Variants in CYB5A observed in about 807,000 individuals in gnomAD.
The protein encoded by CYB5A is cytochrome b5 type A.
Under a neutral mutation model 16.2 loss-of-function variants are expected in CYB5A, and 10 were observed. The ratio of observed to expected loss-of-function variants is 0.62; its 90% CI spans 0.38 to 1.04. The LOEUF is 1.04. CYB5A is among the 50% of genes least tolerant of loss of function. The pLI is 0.01. For missense variants in CYB5A, 161 were observed against 165.9 expected (o/e 0.97, Z 0.16); for synonymous variants, 62 against 57.0 (o/e 1.09, Z -0.40).
chr18:74,272,778 C>G (rs749991114), intron 1 of CYB5A, among the ~76,000 whole-genome samples: 1 of 152,014 alleles, frequency 6.6e-6, no homozygotes, highest in Non-Finnish European at 1.5e-5. Context: ...AAATATTAGC[C>G]AGGTGTAGTG....
intron 1 of CYB5A, among the ~76,000 whole-genome samples, chr18:74,287,624 T>C (rs545113763): frequency 8.5e-5 from 13 of 152,296 alleles, no homozygotes; most frequent in Middle Eastern, 3.4e-3. Flanking sequence ...CCAGGAACAC[T>C]AGAAAATGTT....
chr18:74,259,517 G>A (rs1337550039), intron 3 of CYB5A: 1 of 152,174 alleles, frequency 6.6e-6, no homozygotes, highest in African/African-American at 2.4e-5. Flanking sequence ...CCTTTAAACT[G>A]AAAGTAGTTA....
At chr18:74,260,843 C>G in intron 3 of CYB5A, 72 bp downstream of exon 3, 1 of 1,314,880 alleles carries the variant, frequency 7.6e-7, no homozygotes, top group Non-Finnish European at 1.1e-6. Context: ...AAATAAAAAC[C>G]CTCTGCCTTC....
At chr18:74,266,370 C>T (rs973181286) in intron 1 of CYB5A, among the ~76,000 whole-genome samples, 1 of 152,246 alleles carries the variant, frequency 6.6e-6, no homozygotes, top group South Asian at 2.1e-4. Context: ...CAGGAGCTGC[C>T]GTAACTTTTG....
intron 1 of CYB5A, among the ~76,000 whole-genome samples, chr18:74,284,571 T>C (rs1983248162): frequency 6.6e-6 from 1 of 152,130 alleles, no homozygotes; most frequent in Non-Finnish European, 1.5e-5. Flanking sequence ...GAACAAACAA[T>C]AGCAGGCAGT....
intron 4 of CYB5A, among the ~76,000 whole-genome samples, chr18:74,254,735 T>C (rs1329956308): frequency 6.6e-6 from 1 of 151,972 alleles, no homozygotes; most frequent in East Asian, 1.9e-4. Context: ...TTAGCCAGGA[T>C]GGTCTCGATC....
At position 74,253,672 on chromosome 18, in the gene CYB5A, A is replaced by G. The variant is rs1435703510; in HGVS notation, c.324-7T>C. ...CACCCAGTTGGTCCACCAACTAGAA[A>G]GACACAAAAAGCAATGATGCTGACA... On this transcript the variant is annotated splice_region_variant and splice_polypyrimidine_tract_variant and intron_variant, in intron 4 of 4. Transcript: ENST00000340533. 3 of 1,602,132 alleles carry G rather than the reference A, an allele frequency of 1.9e-6. No homozygotes were observed. The highest frequency in any genetic ancestry group is 1.7e-5 in the Admixed American group (1 of 59,960).
At chr18:74,262,305 A>C (rs1982235353) in intron 2 of CYB5A, among the ~76,000 whole-genome samples, 1 of 151,974 alleles carries the variant, frequency 6.6e-6, no homozygotes, top group Non-Finnish European at 1.5e-5. Flanking sequence ...AATACAAAAC[A>C]ATTGGCCAGG....
Position 74,253,442 on chromosome 18 carries a change from C to T in CYB5A, c.*142G>A. 6.4e-6 allele frequency: 4 copies of T among 623,388 alleles called. No homozygotes were observed. In the Admixed American group the frequency reaches 7.8e-5, roughly 12 times the overall value. The allele number at this position is 623,388 out of a possible 1,614,324, so 38.6% of individuals were successfully genotyped here. ...AAGGACAGTTCTTTTTGTTTTGTTTCTAATGTCGGAAGAAAAAGAAAGAGA... is the reference window on the plus strand; with the variant it reads ...AAGGACAGTTCTTTTTGTTTTGTTTTTAATGTCGGAAGAAAAAGAAAGAGA... On this transcript the variant is annotated 3_prime_UTR_variant, in exon 5 of 5. Coordinates refer to ENST00000340533, the MANE Select transcript of CYB5A (RefSeq NM_148923.4).
Position 74,289,535 on chromosome 18 carries a change from G to T in CYB5A, c.129+2212C>A, listed in dbSNP as rs554948045. Among the ~76,000 whole-genome samples the T allele has an allele frequency of 5.8e-4, 89 of 152,278 alleles. 1 individual carries two copies. Among genetic ancestry groups the T allele is most frequent in the African/African-American group, 2.1e-3 (87 of 41,572 alleles). On this transcript the variant is annotated intron_variant, in intron 1 of 4. Coordinates refer to ENST00000340533, the MANE Select transcript of CYB5A (RefSeq NM_148923.4). Reference sequence around the variant, plus strand: ...TCACGCCTGTAATCCCAGCACTTTGGGAGGCTAAGGTGGGTGGATCACCTG... The same window carrying T: ...TCACGCCTGTAATCCCAGCACTTTGTGAGGCTAAGGTGGGTGGATCACCTG...
At chr18:74,281,867 A>G (rs962408623) in intron 1 of CYB5A, among the ~76,000 whole-genome samples, 2 of 151,478 alleles carry the variant, frequency 1.3e-5, no homozygotes, top group South Asian at 4.2e-4. Context: ...AGAAAACAGC[A>G]GGAACACTGA....
chr18:74,279,444 T>G (rs1342809185), intron 1 of CYB5A, among the ~76,000 whole-genome samples: 1 of 152,216 alleles, frequency 6.6e-6, no homozygotes. Flanking sequence ...CAGGGAGAAC[T>G]GCTTGAACCC....
At chr18:74,274,024 G>A (rs1982772451) in intron 1 of CYB5A, among the ~76,000 whole-genome samples, 1 of 152,156 alleles carries the variant, frequency 6.6e-6, no homozygotes, top group African/African-American at 2.4e-5. Context: ...GTTCCCAAAT[G>A]CTCCCTACTT....
intron 3 of CYB5A, chr18:74,260,644 G>A: frequency 2.0e-6 from 1 of 498,392 alleles, no homozygotes. Flanking sequence ...ACCATAAAAA[G>A]TAGCTCTTCA....
At chr18:74,285,012 A>G (rs1983265367) in intron 1 of CYB5A, among the ~76,000 whole-genome samples, 1 of 152,222 alleles carries the variant, frequency 6.6e-6, no homozygotes, top group Non-Finnish European at 1.5e-5. Context: ...ATACCCAGTT[A>G]CTATATACAC....
At chr18:74,284,847 G>GAAAGTAACAA (rs1983259999) in intron 1 of CYB5A, among the ~76,000 whole-genome samples, 2 of 152,148 alleles carry the variant, frequency 1.3e-5, no homozygotes, top group African/African-American at 4.8e-5. Context: ...ACGGATGTAA[G>GAAAGTAACAA]AAAGTAACTT....
At chr18:74,266,761 A>G (rs991308512) in intron 1 of CYB5A, among the ~76,000 whole-genome samples, 48 of 151,726 alleles carry the variant, frequency 3.2e-4, no homozygotes, top group African/African-American at 1.0e-3. Context: ...AAAAAAAAAA[A>G]AGAGAGAGAG....
rs149016527 is a variant in CYB5A, at chr18:74,277,839, C to T, written c.129+13908G>A. ...GGTGTCATGGAGGATACAGGGGTAA[C>T]TTTATATGGCTCAGGTGAGGGCTTG... On this transcript the variant is annotated intron_variant, in intron 1 of 4. Transcript: ENST00000340533. Among the ~76,000 whole-genome samples the T allele has an allele frequency of 3.0e-3, 464 of 152,286 alleles. 4 individuals carry two copies. Among genetic ancestry groups the T allele is most frequent in the African/African-American group, 0.011 (439 of 41,564 alleles).
intron 3 of CYB5A, chr18:74,258,776 G>C (rs1356912418): frequency 2.0e-5 from 3 of 152,218 alleles, no homozygotes; most frequent in Admixed American, 6.5e-5. Context: ...CTGAAGCAAA[G>C]TCACAATAAA....
Sources: gnomAD v4.1 joint callset for allele counts (sites outside exome capture counted in the v4.1 genomes callset) on GRCh38, gnomAD v4.1.1 for gene constraint, MANE v1.5 for transcripts, NCBI Gene and HGNC (gene_info 2026-07-23, HGNC 2026-07-21) for gene names.